TNS3: variants seen among roughly 807,000 people sequenced by gnomAD.
TNS3 encodes tensin 3, also known as tensin-3.
TNS3 carries 45 observed loss-of-function variants against 140.9 expected under a neutral mutation model. The ratio of observed to expected loss-of-function variants is 0.32; its 90% CI spans 0.25 to 0.41. The LOEUF (loss-of-function observed/expected upper bound fraction) is 0.41. TNS3 is among the 10% of genes least tolerant of loss of function. TNS3 has a pLI of 1.00. For missense variants in TNS3, 1,716 were observed against 1,906.7 expected (o/e 0.90, Z 1.86); for synonymous variants, 815 against 788.4 (o/e 1.03, Z -0.56).
intron 23 of TNS3, among the ~76,000 whole-genome samples, chr7:47,297,716 T>G (rs972604599): frequency 3.3e-5 from 5 of 151,930 alleles, no homozygotes; most frequent in African/African-American, 1.2e-4. Context: ...CACTGCCCCC[T>G]GTGGCATTTT....
chr7:47,532,074 C>T (rs953136407), intron 1 of TNS3, among the ~76,000 whole-genome samples: 16 of 151,740 alleles, frequency 1.1e-4, no homozygotes, highest in Non-Finnish European at 2.2e-4. Context: ...CCCCCCCCCG[C>T]CCACCATCCC....
At chr7:47,426,934 G>A (rs1794684595) in intron 9 of TNS3, among the ~76,000 whole-genome samples, 1 of 151,952 alleles carries the variant, frequency 6.6e-6, no homozygotes, top group Non-Finnish European at 1.5e-5. Context: ...AGACCAGCCT[G>A]GCCAACATGG....
chr7:47,561,469 C>T (rs931128534), intron 1 of TNS3, among the ~76,000 whole-genome samples: 1 of 152,084 alleles, frequency 6.6e-6, no homozygotes, highest in African/African-American at 2.4e-5. Flanking sequence ...TTTTTCTTAA[C>T]TCTTTTTTTT....
chr7:47,427,123 C>CAA (rs61383259), intron 9 of TNS3, among the ~76,000 whole-genome samples: 8,017 of 106,480 alleles, frequency 0.075, 529 homozygotes, highest in East Asian at 0.26. Flanking sequence ...AAGACTCTGT[C>CAA]AAAAAAAAAA....
intron 8 of TNS3, among the ~76,000 whole-genome samples, chr7:47,433,504 G>A (rs1291936334): frequency 6.6e-6 from 1 of 152,182 alleles, no homozygotes; most frequent in African/African-American, 2.4e-5. Flanking sequence ...GCTCTAGGTG[G>A]TCCCCACTAG....
intron 17 of TNS3, among the ~76,000 whole-genome samples, chr7:47,357,400 C>G (rs1790054698): frequency 2.0e-5 from 3 of 152,290 alleles, no homozygotes; most frequent in African/African-American, 4.8e-5. Context: ...ACACACTAAT[C>G]TTTTCGAGAC....
chr7:47,571,214 C>A (rs2278873), intron 1 of TNS3, among the ~76,000 whole-genome samples: 87,400 of 152,064 alleles, frequency 0.57, 25,859 homozygotes, highest in Middle Eastern at 0.65. Flanking sequence ...CTGGAAAGAA[C>A]CTCGGGTACA....
chr7:47,413,032 C>T (rs1479669255), intron 12 of TNS3, among the ~76,000 whole-genome samples: 1 of 152,054 alleles, frequency 6.6e-6, no homozygotes, highest in Non-Finnish European at 1.5e-5. Context: ...CGGCTCACTG[C>T]AACCTCTGCC....
chr7:47,292,886 C>T lies in TNS3; in HGVS notation c.3792G>A (p.Val1264=). ...EPYFGSLTAL[V]CQHSITPLAL... is the part of the protein sequence containing the mutation. The stretch of plus-strand genomic sequence containing the variant: ...CCAAGGGCGTGATGGAATGCTGGCA[C>T]ACCAAGGCCGTCAGGCTCCCTGCAA... The change falls in exon 26 of 31, where the codon GTG becomes GTA. Residue 1264 remains valine, a synonymous_variant. Transcript: ENST00000311160. 6.2e-7 allele frequency: 1 copy of T among 1,614,118 alleles called. No individual in the cohort carries two copies. Among genetic ancestry groups the T allele is most frequent in the Non-Finnish European group, 8.5e-7 (1 of 1,180,016 alleles).
At chr7:47,332,602 G>C (rs1189128504) in intron 20 of TNS3, among the ~76,000 whole-genome samples, 1 of 152,034 alleles carries the variant, frequency 6.6e-6, no homozygotes, top group Non-Finnish European at 1.5e-5. Flanking sequence ...CATAGACAAT[G>C]GGGCTCAGAA....
At chr7:47,379,093 G>A (rs1257486208) in intron 16 of TNS3, among the ~76,000 whole-genome samples, 6 of 152,206 alleles carry the variant, frequency 3.9e-5, no homozygotes, top group Non-Finnish European at 8.8e-5. Flanking sequence ...AGGCAGGGTT[G>A]AATGGGGTTA....
chr7:47,569,901 C>A (rs898093073), intron 1 of TNS3, among the ~76,000 whole-genome samples: 4 of 152,070 alleles, frequency 2.6e-5, no homozygotes, highest in African/African-American at 9.7e-5. Flanking sequence ...GTAATCCCAG[C>A]ACTTTGGTAG....
At chr7:47,326,121 A>G (rs952938507) in intron 20 of TNS3, among the ~76,000 whole-genome samples, 3 of 152,206 alleles carry the variant, frequency 2.0e-5, no homozygotes, top group African/African-American at 7.2e-5. Flanking sequence ...TATATGACAC[A>G]TATCAACTTT....
chr7:47,335,096 AT>A (rs1788558659), intron 20 of TNS3, among the ~76,000 whole-genome samples: 1 of 152,188 alleles, frequency 6.6e-6, no homozygotes, highest in Admixed American at 6.5e-5. Flanking sequence ...TTTTACAAAT[AT>A]TTTTGTTTTC....
chr7:47,428,467 A>G, intron 8 of TNS3, 91 bp from the exon 9 acceptor site: 1 of 951,066 alleles, frequency 1.1e-6, no homozygotes, highest in Non-Finnish European at 1.5e-6. Flanking sequence ...TGGACAAAAC[A>G]ATAGAGAGCC....
chr7:47,403,770 C>T (rs1793291358), intron 13 of TNS3, among the ~76,000 whole-genome samples: 2 of 152,210 alleles, frequency 1.3e-5, no homozygotes, highest in African/African-American at 4.8e-5. Flanking sequence ...AATCCACTCA[C>T]CAACCAGGAG....
chr7:47,518,455 C>T (rs1562823690), intron 2 of TNS3, among the ~76,000 whole-genome samples: 1 of 152,200 alleles, frequency 6.6e-6, no homozygotes, highest in Non-Finnish European at 1.5e-5. Flanking sequence ...GCCCCTAAAA[C>T]TCTTGAAGTT....
At chr7:47,511,643 C>G (rs977857775) in intron 2 of TNS3, among the ~76,000 whole-genome samples, 5 of 151,898 alleles carry the variant, frequency 3.3e-5, no homozygotes, top group African/African-American at 1.2e-4. Flanking sequence ...TTGCCTGAGG[C>G]TCTCAGAATG....
chr7:47,310,703 CA>C (rs1267644580), intron 20 of TNS3, among the ~76,000 whole-genome samples: 1 of 152,126 alleles, frequency 6.6e-6, no homozygotes, highest in Non-Finnish European at 1.5e-5. Flanking sequence ...AAAGCAGAAG[CA>C]AAAAGAATTT....
Sources: allele counts gnomAD v4.1 joint callset (sites outside exome capture counted in the v4.1 genomes callset), GRCh38; gene constraint gnomAD v4.1.1; transcripts MANE v1.5; gene names NCBI Gene and HGNC (gene_info 2026-07-23, HGNC 2026-07-21).